Variants in CERS1 observed in about 807,000 individuals in gnomAD.
The protein encoded by CERS1 is Embryonic growth/differentiation factor 1.
In CERS1, 16 loss-of-function variants were observed where a neutral mutation model predicts 35.7. The observed-to-expected ratio is 0.45, with a 90% CI of 0.30 to 0.68. The LOEUF is 0.68. Among genes scored for constraint, CERS1 ranks in the 30% least tolerant of loss-of-function variants. The pLI, the probability that CERS1 is intolerant of heterozygous loss-of-function variation, is 0.08. For missense variants in CERS1, 454 were observed against 453.9 expected (o/e 1.00, Z 0.00); for synonymous variants, 243 against 201.6 (o/e 1.21, Z -1.74).
chr19:18,893,176 G>A (rs2056537323), intron 2 of CERS1, among the ~76,000 whole-genome samples: 1 of 152,006 alleles, frequency 6.6e-6, no homozygotes, highest in Non-Finnish European at 1.5e-5. Context: ...GCCTCCCAAA[G>A]TGCTGGGATT....
chr19:18,896,943 C>T (rs1355671094), upstream of CERS1, among the ~76,000 whole-genome samples: 3 of 149,834 alleles, frequency 2.0e-5, no homozygotes, highest in Non-Finnish European at 4.5e-5. This position sits in a 1 kb window ranked among gnomAD's most constrained non-coding sequence, Gnocchi z 5.9. Context: ...GGCTCCCCAA[C>T]ATCAGGTTAA....
At chr19:18,890,301 C>G (rs1449376380) in intron 2 of CERS1, among the ~76,000 whole-genome samples, 1 of 152,242 alleles carries the variant, frequency 6.6e-6, no homozygotes, top group African/African-American at 2.4e-5. Context: ...GTTTTCTCAT[C>G]CACACTTATT....
intron 2 of CERS1, among the ~76,000 whole-genome samples, chr19:18,888,419 G>A (rs1486101118): frequency 2.0e-5 from 3 of 150,092 alleles, no homozygotes; most frequent in Non-Finnish European, 4.4e-5. Flanking sequence ...TCATGAGGCT[G>A]AGGCAGGAGA....
intron 3 of CERS1, chr19:18,883,071 G>A (rs2056255224): frequency 6.6e-6 from 1 of 152,148 alleles, no homozygotes; most frequent in South Asian, 2.1e-4. Context: ...CAATCCTCCT[G>A]ACTCAGCCTT....
chr19:18,885,518 T>G (rs4808872), intron 2 of CERS1, among the ~76,000 whole-genome samples: 219 of 9,502 alleles, frequency 0.023, 2 homozygotes, highest in Middle Eastern at 0.12. Context: ...CTCGTTTTTT[T>G]TTTTTTTTTT....
At chr19:18,875,603 C>T (rs1568295308) in intron 6 of CERS1, among the ~76,000 whole-genome samples, 1 of 151,892 alleles carries the variant, frequency 6.6e-6, no homozygotes, top group African/African-American at 2.4e-5. Flanking sequence ...CACCTGGAAT[C>T]CTCTCTCTGC....
chr19:18,890,181 C>A (rs2056456565), intron 2 of CERS1, among the ~76,000 whole-genome samples: 1 of 152,228 alleles, frequency 6.6e-6, no homozygotes, highest in Non-Finnish European at 1.5e-5. Context: ...CTGCTCCAGG[C>A]ACCTCCAGGC....
intron 2 of CERS1, among the ~76,000 whole-genome samples, chr19:18,888,273 C>G (rs537078757): frequency 6.7e-6 from 1 of 149,270 alleles, no homozygotes; most frequent in Admixed American, 6.7e-5. Context: ...GCAGGAGAAT[C>G]GCTTGAACCT....
At chr19:18,877,960 A>T (rs945741265) in intron 6 of CERS1, 1 of 984,512 alleles carries the variant, frequency 1.0e-6, no homozygotes, top group African/African-American at 1.7e-5. Context: ...ACCCAAGGCG[A>T]ATCTGATGGG....
Position 18,884,093 on chromosome 19 carries a change from G to T in CERS1, c.584C>A (p.Ala195Asp). The T allele has an allele frequency of 6.2e-7, 1 of 1,612,944 alleles. No homozygotes were observed. ...CACCCGATCCTGTCCTTACCGGAAGGCGTAGGAGGAGACGATGAGGATGAG... is the reference window on the plus strand; with the variant it reads ...CACCCGATCCTGTCCTTACCGGAAGTCGTAGGAGGAGACGATGAGGATGAG... ...VTLILIVSSY[A>D]FRYHNVGILV... The change falls in exon 3 of 8, where the codon GCC (alanine) becomes GAC (aspartate). Residue 195 changes from alanine to aspartate, a missense_variant. Physicochemically the swap from Ala to Asp is moderately radical, Grantham distance 126. Transcript: ENST00000623882.
chr19:18,875,808 G>A (rs763022137), intron 6 of CERS1, among the ~76,000 whole-genome samples: 1 of 152,126 alleles, frequency 6.6e-6, no homozygotes, highest in Non-Finnish European at 1.5e-5. Context: ...AGAAAGCCCT[G>A]GGAAGACGGA....
In CERS1 at chr19:18,884,273, G is replaced by C; in HGVS notation, c.410-6C>G. The C allele has an allele frequency of 6.2e-7, 1 of 1,608,504 alleles. No homozygotes were observed. Among genetic ancestry groups the C allele is most frequent in the Non-Finnish European group, 8.5e-7 (1 of 1,178,152 alleles). ...TGCCATGCCCGGCGTCCAGTCTGGG[G>C]AGAGCCAAATCTCACAGTCAGGGCC... is the stretch of plus-strand genomic sequence containing the variant. On this transcript the variant is annotated splice_polypyrimidine_tract_variant and splice_region_variant and intron_variant, in intron 2 of 7. Transcript: ENST00000623882.
At chr19:18,885,381 T>A (rs1249675116) in intron 2 of CERS1, among the ~76,000 whole-genome samples, 2 of 151,678 alleles carry the variant, frequency 1.3e-5, no homozygotes, top group African/African-American at 4.8e-5. Context: ...ATTTCTTTTT[T>A]AATTTTTGTG....
intron 2 of CERS1, among the ~76,000 whole-genome samples, chr19:18,886,006 C>G (rs1305684979): frequency 1.3e-5 from 2 of 152,212 alleles, no homozygotes; most frequent in African/African-American, 4.8e-5. Flanking sequence ...CCTGGTGCAC[C>G]TGACCACCAC....
In CERS1 at chr19:18,875,560, A is replaced by C. The variant is rs191277091; in HGVS notation, c.1010+3370T>G. Among the ~76,000 whole-genome samples the C allele has an allele frequency of 2.2e-3, 335 of 151,626 alleles. 2 individuals carry two copies. The highest frequency in any genetic ancestry group is 7.8e-3 in the African/African-American group (320 of 41,278). On this transcript the variant is annotated intron_variant, in intron 6 of 7. Coordinates refer to ENST00000623882, the MANE Select transcript of CERS1 (RefSeq NM_021267.5). ...ACTGTCTCAAAAAAAAAAAAAAAAG[A>C]AGCTTTTGGATTCAACTGTTAAAAC...
At position 18,879,228 on chromosome 19, in the gene CERS1, G is replaced by A. The variant is rs370376124; in HGVS notation, c.900+13C>T. The A allele has an allele frequency of 1.2e-5, 20 of 1,613,160 alleles. No individual in the cohort carries two copies. Among genetic ancestry groups the A allele is most frequent in the African/African-American group, 2.7e-5 (2 of 74,882 alleles). ...GGGACCGCCACTGTGGAGGAGAGCC[G>A]GGGCCGACTCACCAGGAACCAGTAG... On this transcript the variant is annotated intron_variant, in intron 5 of 7. Transcript: ENST00000623882.
At chr19:18,885,184 T>C (rs569639295) in intron 2 of CERS1, among the ~76,000 whole-genome samples, 1 of 152,294 alleles carries the variant, frequency 6.6e-6, no homozygotes, top group South Asian at 2.1e-4. Context: ...CACATTATTA[T>C]CATTATATAC....
At position 18,888,538 on chromosome 19, in the gene CERS1, A is replaced by C. The variant is rs1353358938; in HGVS notation, c.410-4271T>G. On this transcript the variant is annotated intron_variant, in intron 2 of 7. Transcript: ENST00000623882. ...GTCTCTTAAAAAAAAAAAAAAAAAA[A>C]AAAAAAAACAGGCTAGGTGCGGTGG... Among the ~76,000 whole-genome samples the C allele has an allele frequency of 8.1e-5, 12 of 148,812 alleles. No homozygotes were observed. The East Asian group carries it at 1.4e-3, about 17-fold the overall frequency.
In CERS1 at chr19:18,868,589, G is replaced by A. The variant is rs767628860; in HGVS notation, c.*1396C>T. On this transcript the variant is annotated 3_prime_UTR_variant, in exon 8 of 8. Coordinates refer to ENST00000623882, the MANE Select transcript of CERS1 (RefSeq NM_021267.5). ...TATTGTTGGGCCCGCGTCCCTGCCC[G>A]CCCCGGGTTAGCGGCAGCCGCACTC... 1.3e-6 allele frequency: 2 copies of A among 1,549,918 alleles called. No individual in the cohort carries two copies. Among genetic ancestry groups the A allele is most frequent in the Middle Eastern group, 1.7e-4 (1 of 5,822 alleles).
Sources: gnomAD v4.1 joint callset for allele counts (sites outside exome capture counted in the v4.1 genomes callset) on GRCh38, gnomAD v4.1.1 for gene constraint, Gnocchi (gnomAD v3.1) non-coding constraint, MANE v1.5 for transcripts, NCBI Gene and HGNC (gene_info 2026-07-23, HGNC 2026-07-21) for gene names.